The following MAVS variants were observed in gnomAD, a reference collection of about 807,000 sequenced individuals.
The protein encoded by MAVS is mitochondrial antiviral signaling protein, also known as mitochondrial antiviral-signaling protein.
Under a neutral mutation model 30.2 loss-of-function variants are expected in MAVS, and 20 were observed. The ratio of observed to expected loss-of-function variants is 0.66; its 90% CI spans 0.47 to 0.96. The LOEUF (loss-of-function observed/expected upper bound fraction) is 0.96, where lower values mean the gene tolerates loss of function less well. MAVS is among the 40% of genes least tolerant of loss of function. MAVS has a pLI of 0.00. For synonymous variants in MAVS, 278 were observed against 293.9 expected (o/e 0.95, Z 0.55); for missense variants, 624 against 701.1 (o/e 0.89, Z 1.24).
chr20:3,853,920 T>C (rs2089786369), intron 1 of MAVS, among the ~76,000 whole-genome samples: 1 of 151,316 alleles, frequency 6.6e-6, no homozygotes, highest in Non-Finnish European at 1.5e-5. Context: ...CCCGAGTAGC[T>C]GGGATTACAG....
chr20:3,848,542 C>T (rs888629098), intron 1 of MAVS, among the ~76,000 whole-genome samples: 2 of 152,324 alleles, frequency 1.3e-5, no homozygotes, highest in East Asian at 1.9e-4. Context: ...TGCTGGCTGG[C>T]AAAGCAACTC....
rs58186808 is a variant in MAVS at position 3,870,634 on chromosome 20, T to TAAAAAAAAAA, written c.*4520_*4529dup. The TAAAAAAAAAA allele has an allele frequency of 5.4e-4, 16 of 29,516 alleles. 4 individuals are homozygous for TAAAAAAAAAA. Among genetic ancestry groups the TAAAAAAAAAA allele is most frequent in the Non-Finnish European group, 6.9e-4 (10 of 14,494 alleles). The allele number at this position is 29,516 out of a possible 1,614,324, so 1.8% of individuals were successfully genotyped here. ...GGGCAACAAAGCAAGACCCTATCTC[T>TAAAAAAAAAA]AAAAAAAAAAAAAAAAAAAAAAAAA... On this transcript the variant is annotated 3_prime_UTR_variant, in exon 7 of 7. Coordinates refer to ENST00000428216, the MANE Select transcript of MAVS (RefSeq NM_020746.5).
In MAVS at chr20:3,873,772, T is replaced by G. The variant is rs549302058; in HGVS notation, c.*7625T>G. 56 of 207,724 alleles carry G rather than the reference T, an allele frequency of 2.7e-4. No homozygotes were observed. Among genetic ancestry groups the G allele is most frequent in the African/African-American group, 1.2e-3 (54 of 43,858 alleles). 12.9% of individuals were successfully genotyped at this position (207,724 alleles called of 1,614,324 possible). ...CTCTAGAACTGTGAGAAATAATTTT[T>G]TGTTGTTTACAAATTACCCAGGCTA... On this transcript the variant is annotated 3_prime_UTR_variant, in exon 7 of 7. Transcript: ENST00000428216.
rs1432504438 is a variant in MAVS at position 3,873,210 on chromosome 20, C to G, written c.*7063C>G. On this transcript the variant is annotated 3_prime_UTR_variant, in exon 7 of 7. Coordinates refer to ENST00000428216, the MANE Select transcript of MAVS (RefSeq NM_020746.5). ...ACCCTTTGAATTCATATGTTGAATC[C>G]TAACCCCCAAAGCAATGGCATTAAG... The G allele has an allele frequency of 2.0e-5, 3 of 152,084 alleles. No individual in the cohort carries two copies. Among genetic ancestry groups the G allele is most frequent in the East Asian group, 1.9e-4 (1 of 5,190 alleles). 9.4% of individuals were successfully genotyped at this position (152,084 alleles called of 1,614,324 possible).
At chr20:3,854,893 T>TTTTC in intron 2 of MAVS, 152 bp downstream of exon 2, 1 of 314,364 alleles carries the variant, frequency 3.2e-6, no homozygotes, top group Non-Finnish European at 6.0e-6. Context: ...CTGCTTTTCT[T>TTTTC]TTTTTTTTTT....
rs548892993 is a variant in MAVS at position 3,857,014 on chromosome 20, C to T, written c.118-621C>T. On this transcript the variant is annotated intron_variant, in intron 2 of 6. Coordinates refer to ENST00000428216, the MANE Select transcript of MAVS (RefSeq NM_020746.5). The stretch of plus-strand genomic sequence containing the variant: ...TCACGGCACTGCACTCCAGCCTGGG[C>T]GACGGAGTGGGACTCCGTCTGAAAA... Among the ~76,000 whole-genome samples, 237 of 141,060 alleles carry T rather than the reference C, an allele frequency of 1.7e-3. 2 individuals are homozygous for T. Among genetic ancestry groups the T allele is most frequent in the African/African-American group, 6.2e-3 (231 of 37,086 alleles). 92.5% of individuals were successfully genotyped at this position (141,060 alleles called of 152,430 possible).
Position 3,860,523 on chromosome 20 carries a change from C to T in MAVS, c.293-809C>T, listed in dbSNP as rs776933520. ...TCGAGTAGCTGGGATTACAGGCATG[C>T]GCCTCCACGCCTGGCTAATTTTGTT... On this transcript the variant is annotated intron_variant, in intron 3 of 6. Transcript: ENST00000428216. Among the ~76,000 whole-genome samples, 6 of 150,234 alleles carry T rather than the reference C, an allele frequency of 4.0e-5. No individual in the cohort carries two copies. In the South Asian group the frequency reaches 8.5e-4, roughly 21 times the overall value.
At chr20:3,856,078 G>T (rs1287301854) in intron 2 of MAVS, among the ~76,000 whole-genome samples, 2 of 148,206 alleles carry the variant, frequency 1.3e-5, no homozygotes. Flanking sequence ...TTTTTGAGAC[G>T]GAGTCTCACT....
chr20:3,862,118 C>G (rs2089871374), intron 4 of MAVS, 136 bp from the exon 5 acceptor site: 1 of 975,936 alleles, frequency 1.0e-6, no homozygotes, highest in Non-Finnish European at 1.5e-6. Context: ...TTACCAGAAC[C>G]CAGGCAAGGG....
At chr20:3,861,899 C>G (rs2089870053) in intron 4 of MAVS, among the ~76,000 whole-genome samples, 1 of 152,154 alleles carries the variant, frequency 6.6e-6, no homozygotes, top group South Asian at 2.1e-4. Flanking sequence ...CAGGCACCCA[C>G]CACCACGCCC....
chr20:3,854,341 A>G (rs529550865), intron 1 of MAVS, among the ~76,000 whole-genome samples: 1 of 145,758 alleles, frequency 6.9e-6, no homozygotes, highest in Non-Finnish European at 1.5e-5. Context: ...AAGAGACTCA[A>G]TTGAACCCAG....
intron 1 of MAVS, among the ~76,000 whole-genome samples, chr20:3,850,239 T>G (rs1421175846): frequency 2.5e-5 from 3 of 117,700 alleles, no homozygotes; most frequent in Non-Finnish European, 4.9e-5. Flanking sequence ...ATTGCACCAC[T>G]GCACTCCAGC....
intron 3 of MAVS, among the ~76,000 whole-genome samples, chr20:3,860,845 T>A (rs1293734167): frequency 2.0e-5 from 3 of 147,560 alleles, no homozygotes; most frequent in Non-Finnish European, 3.0e-5. Context: ...CCTGGCTAAT[T>A]TTTGTATTTT....
intron 3 of MAVS, among the ~76,000 whole-genome samples, chr20:3,860,965 G>A (rs1181428956): frequency 2.7e-5 from 4 of 150,554 alleles, no homozygotes; most frequent in African/African-American, 9.8e-5. Flanking sequence ...ATGAGCCATC[G>A]TGCCCAGCCC....
At chr20:3,857,590 A>AG (rs2089822301) in intron 2 of MAVS, 45 bp from the exon 3 acceptor site, 1 of 1,562,694 alleles carries the variant, frequency 6.4e-7, no homozygotes, top group African/African-American at 1.3e-5. Flanking sequence ...GGGAAGTGGC[A>AG]GGGGCCACCT....
At chr20:3,861,609 G>A (rs1480298565) in intron 4 of MAVS, 105 bp downstream of exon 4, 20 of 1,231,986 alleles carry the variant, frequency 1.6e-5, no homozygotes, top group African/African-American at 4.6e-5. Flanking sequence ...TATAAATCAC[G>A]CCTAATCTCT....
At chr20:3,847,173 G>A (rs889637456) in intron 1 of MAVS, among the ~76,000 whole-genome samples, 2 of 152,306 alleles carry the variant, frequency 1.3e-5, no homozygotes, top group South Asian at 4.1e-4. Flanking sequence ...CTGGGGGAAA[G>A]GTAGGGCCAG....
chr20:3,856,943 G>A (rs1228733923), intron 2 of MAVS, among the ~76,000 whole-genome samples: 2 of 151,704 alleles, frequency 1.3e-5, no homozygotes, highest in African/African-American at 2.4e-5. Context: ...GGCTGAGGCA[G>A]GAGAATCGCT....
intron 6 of MAVS, 77 bp downstream of exon 6, chr20:3,864,865 C>T: frequency 3.3e-6 from 5 of 1,536,498 alleles, no homozygotes; most frequent in African/African-American, 2.7e-5. Context: ...CTGGCCTTGG[C>T]CCCTTCCCAG....
Sources: gnomAD v4.1 joint callset for allele counts (sites outside exome capture counted in the v4.1 genomes callset) on GRCh38, gnomAD v4.1.1 for gene constraint, MANE v1.5 for transcripts, NCBI Gene and HGNC (gene_info 2026-07-23, HGNC 2026-07-21) for gene names.